ZCCHC17: variants seen among roughly 807,000 people sequenced by gnomAD.
The protein encoded by ZCCHC17 is zinc finger CCHC domain-containing protein 17.
ZCCHC17 carries 18 observed loss-of-function variants against 30.6 expected under a neutral mutation model. That is an observed-to-expected ratio of 0.59 (90% CI 0.41 to 0.87). The LOEUF (loss-of-function observed/expected upper bound fraction) is 0.87. ZCCHC17 is among the 40% of genes least tolerant of loss of function. The pLI is 0.00. For synonymous variants in ZCCHC17, 88 were observed against 92.4 expected (o/e 0.95, Z 0.27); for missense variants, 263 against 284.2 (o/e 0.93, Z 0.54).
chr1:31,319,875 A>T (rs908999538), intron 3 of ZCCHC17, among the ~76,000 whole-genome samples: 2 of 152,138 alleles, frequency 1.3e-5, no homozygotes, highest in South Asian at 2.1e-4. Context: ...TTAACATTTT[A>T]AAAAAAGGCA....
In ZCCHC17 at chr1:31,328,112, G is replaced by T. The variant is rs551495496; in HGVS notation, c.124+8946G>T. Reference sequence around the variant, plus strand: ...AGAAGGAAAAATTCATACTAGTTTTGCTGTCGAATTTCTAACTGCAAAAGT... The same window carrying T: ...AGAAGGAAAAATTCATACTAGTTTTTCTGTCGAATTTCTAACTGCAAAAGT... On this transcript the variant is annotated intron_variant, in intron 3 of 7. Coordinates refer to ENST00000344147, the MANE Select transcript of ZCCHC17 (RefSeq NM_016505.4). Among the ~76,000 whole-genome samples, 142 of 152,290 alleles carry T rather than the reference G, an allele frequency of 9.3e-4. No individual in the cohort carries two copies. In the Middle Eastern group the frequency reaches 0.014, roughly 15 times the overall value.
chr1:31,300,777 A>C (rs79540787), intron 1 of ZCCHC17, among the ~76,000 whole-genome samples: 152 of 152,102 alleles, frequency 1.0e-3, no homozygotes, highest in Admixed American at 1.6e-3. Context: ...CTCTACTAAA[A>C]ATATAAAAAT....
chr1:31,361,276 A>G (rs918515235), intron 7 of ZCCHC17, among the ~76,000 whole-genome samples: 30 of 152,300 alleles, frequency 2.0e-4, no homozygotes, highest in Admixed American at 2.0e-4. Flanking sequence ...CTTCTCTTAA[A>G]ACTTTGACTT....
intron 7 of ZCCHC17, among the ~76,000 whole-genome samples, chr1:31,354,306 C>G (rs1639567255): frequency 1.3e-5 from 2 of 152,152 alleles, no homozygotes; most frequent in African/African-American, 2.4e-5. Flanking sequence ...TTGCTAAATT[C>G]ACTTACTCGT....
chr1:31,314,917 T>A (rs943522969), intron 2 of ZCCHC17, among the ~76,000 whole-genome samples: 4 of 152,208 alleles, frequency 2.6e-5, no homozygotes, highest in African/African-American at 9.6e-5. Context: ...TCCATCTGCC[T>A]TGGCCTCCCA....
intron 2 of ZCCHC17, among the ~76,000 whole-genome samples, chr1:31,314,766 A>G (rs552368851): frequency 1.3e-5 from 2 of 152,222 alleles, no homozygotes; most frequent in South Asian, 4.1e-4. Flanking sequence ...CAGTGGGTTC[A>G]AGCGATTCTC....
chr1:31,364,288 C>T lies in ZCCHC17; in HGVS notation c.*95C>T. ...AGACTCAATAGTGAGAATATAGCCT[C>T]CCACCCCATTAACTTCGCTCCCATG... On this transcript the variant is annotated 3_prime_UTR_variant, in exon 8 of 8. Coordinates refer to ENST00000344147, the MANE Select transcript of ZCCHC17 (RefSeq NM_016505.4). The T allele has an allele frequency of 6.8e-7, 1 of 1,466,986 alleles. No homozygotes were observed. The highest frequency in any genetic ancestry group is 2.5e-5 in the East Asian group (1 of 40,412). 90.9% of individuals were successfully genotyped at this position (1,466,986 alleles called of 1,614,324 possible).
chr1:31,313,222 G>A (rs1368558746), intron 2 of ZCCHC17, among the ~76,000 whole-genome samples: 1 of 151,690 alleles, frequency 6.6e-6, no homozygotes, highest in Non-Finnish European at 1.5e-5. Context: ...GGGACTACAG[G>A]CACACACCAC....
chr1:31,333,349 C>A (rs1638669031), intron 3 of ZCCHC17, among the ~76,000 whole-genome samples: 1 of 152,052 alleles, frequency 6.6e-6, no homozygotes, highest in Admixed American at 6.6e-5. Flanking sequence ...TAGTGAAACC[C>A]TGTCTCTACT....
intron 7 of ZCCHC17, among the ~76,000 whole-genome samples, chr1:31,358,574 T>C (rs576207284): frequency 5.3e-5 from 8 of 152,256 alleles, no homozygotes; most frequent in South Asian, 4.1e-4. Flanking sequence ...ATCAAAATTT[T>C]TGGACTGTGT....
At chr1:31,321,369 G>A (rs1193688209) in intron 3 of ZCCHC17, among the ~76,000 whole-genome samples, 1 of 152,162 alleles carries the variant, frequency 6.6e-6, no homozygotes, top group Non-Finnish European at 1.5e-5. Flanking sequence ...TAAGTTTCTT[G>A]AGGCTTCCCC....
chr1:31,313,650 C>T (rs1646658782), intron 2 of ZCCHC17, among the ~76,000 whole-genome samples: 2 of 152,090 alleles, frequency 1.3e-5, no homozygotes, highest in Middle Eastern at 3.2e-3. Flanking sequence ...TTCTTTATGG[C>T]TCATGGTATC....
chr1:31,354,746 C>T (rs1639583497), intron 7 of ZCCHC17, among the ~76,000 whole-genome samples: 1 of 152,222 alleles, frequency 6.6e-6, no homozygotes, highest in African/African-American at 2.4e-5. Context: ...ATTACTGAGG[C>T]TCTATCTGCT....
intron 1 of ZCCHC17, among the ~76,000 whole-genome samples, chr1:31,307,265 CCA>C (rs1569747237): frequency 6.6e-6 from 1 of 151,618 alleles, no homozygotes; most frequent in Non-Finnish European, 1.5e-5. Flanking sequence ...GCACCTGGCC[CCA>C]GTTTCCTTCT....
At chr1:31,361,737 T>C (rs796318927) in intron 7 of ZCCHC17, among the ~76,000 whole-genome samples, 15 of 152,306 alleles carry the variant, frequency 9.8e-5, no homozygotes, top group African/African-American at 3.6e-4. Context: ...CCTTAGATAC[T>C]ATCTCATTAA....
intron 5 of ZCCHC17, among the ~76,000 whole-genome samples, chr1:31,345,536 T>C (rs1327122191): frequency 9.4e-3 from 10 of 1,068 alleles, no homozygotes; most frequent in East Asian, 0.083. Context: ...TGTATACTTA[T>C]GACAGACATT....
chr1:31,304,920 TC>T (rs1322674373), intron 1 of ZCCHC17, among the ~76,000 whole-genome samples: 2 of 152,108 alleles, frequency 1.3e-5, no homozygotes, highest in African/African-American at 4.8e-5. Flanking sequence ...GTAGCAGAAC[TC>T]TTTTTTTTTC....
At chr1:31,303,314 T>C (rs1646365313) in intron 1 of ZCCHC17, among the ~76,000 whole-genome samples, 1 of 152,186 alleles carries the variant, frequency 6.6e-6, no homozygotes, top group South Asian at 2.1e-4. Context: ...GTGCAGGCTC[T>C]GGAGTCATTA....
chr1:31,357,799 A>C (rs1639701384), intron 7 of ZCCHC17, among the ~76,000 whole-genome samples: 1 of 147,838 alleles, frequency 6.8e-6, no homozygotes, highest in African/African-American at 2.5e-5. Context: ...CTTGTTGCCC[A>C]GGCTGGAGTG....
Sources: allele counts gnomAD v4.1 joint callset (sites outside exome capture counted in the v4.1 genomes callset), GRCh38; gene constraint gnomAD v4.1.1; transcripts MANE v1.5; gene names NCBI Gene and HGNC (gene_info 2026-07-23, HGNC 2026-07-21).